Variants in ZPBP2 observed in about 807,000 individuals in gnomAD.
ZPBP2 encodes the protein zona pellucida binding protein 2.
Under a neutral mutation model 37.5 loss-of-function variants are expected in ZPBP2, and 34 were observed. That is an observed-to-expected ratio of 0.91 (90% CI 0.69 to 1.21). The LOEUF (loss-of-function observed/expected upper bound fraction) is 1.21. Among genes scored for constraint, ZPBP2 ranks in the 50% most tolerant of loss-of-function variants. The probability of loss-of-function intolerance (pLI) is 0.00; values close to 1 mark genes in which losing one functional copy is unlikely to be tolerated. For missense variants in ZPBP2, 397 were observed against 413.5 expected, an observed-to-expected ratio of 0.96 and a Z score of 0.35; for synonymous variants, 143 against 138.4, an observed-to-expected ratio of 1.03 and a Z score of -0.23.
In ZPBP2 at chr17:39,870,808, A is replaced by G. The variant is rs749139214; in HGVS notation, c.233A>G (p.Lys78Arg). ...PTYLWIGPNE[K>R]TLTGNNRINI... The stretch of plus-strand genomic sequence containing the variant: ...TACTTATGGATTGGGCCTAATGAAA[A>G]GACGTTAACAGGTAAATTTGATTTT... The change falls in exon 3 of 8, where the codon AAG becomes AGG. Residue 78 changes from lysine (K) to arginine (R), a missense_variant. Coordinates refer to ENST00000348931, the MANE Select transcript of ZPBP2 (RefSeq NM_199321.3). The G allele has an allele frequency of 6.6e-7, 1 of 1,511,684 alleles. No homozygotes were observed. The highest frequency in any genetic ancestry group is 1.4e-5 in the South Asian group (1 of 71,940). The allele number at this position is 1,511,684 out of a possible 1,614,324, so 93.6% of individuals were successfully genotyped here. A position where few individuals can be genotyped will look rare whatever the true frequency, so the allele number is the denominator to read the frequency against.
chr17:39,871,572 C>T lies in ZPBP2; in HGVS notation c.353C>T (p.Ala118Val), dbSNP rs373966063. The T allele has an allele frequency of 2.3e-5, 37 of 1,598,976 alleles. No individual in the cohort carries two copies. The South Asian group carries it at 3.9e-4, about 17-fold the overall frequency. ...ACTCTTTCTTATAAGACTGTTAAAG[C>T]AGAAACTCAAGAAGAAAAAACAGTC... ...TCTLSYKTVK[A>V]ETQEEKTVKK... The change falls in exon 4 of 8, where the codon GCA becomes GTA. Residue 118 changes from alanine to valine, a missense_variant. Transcript: ENST00000348931.
At chr17:39,873,458 T>C (rs560484858) in intron 6 of ZPBP2, among the ~76,000 whole-genome samples, 1 of 152,294 alleles carries the variant, frequency 6.6e-6, no homozygotes, top group South Asian at 2.1e-4. Context: ...ATTGATTTTT[T>C]AAGTATTATT....
Position 39,872,466 on chromosome 17 carries a change from T to C in ZPBP2, c.603T>C (p.His201=), listed in dbSNP as rs2063369885. Residue 201 remains histidine (H), a synonymous_variant, in exon 5 of 8, where the codon CAT becomes CAC. Coordinates refer to ENST00000348931, the MANE Select transcript of ZPBP2 (RefSeq NM_199321.3). The stretch of plus-strand genomic sequence containing the variant: ...AAATTCCAGAACATGGCCTCATACA[T>C]GAGCTATTTATAGCATTTCAAGGTA... ...SVEIPEHGLI[H]ELFIAFQVNP... 1.9e-6 allele frequency: 3 copies of C among 1,610,918 alleles called. No homozygotes were observed. Among genetic ancestry groups the C allele is most frequent in the Non-Finnish European group, 2.5e-6 (3 of 1,178,886 alleles).
rs997683237 is a variant in ZPBP2, at chr17:39,868,240, A to C, written c.-115A>C. 8 of 1,208,498 alleles carry C rather than the reference A, an allele frequency of 6.6e-6. No homozygotes were observed. Among genetic ancestry groups the C allele is most frequent in the Non-Finnish European group, 8.1e-6 (7 of 867,420 alleles). 74.9% of individuals were successfully genotyped at this position (1,208,498 alleles called of 1,614,324 possible). On this transcript the variant is annotated 5_prime_UTR_variant, in exon 1 of 8. Transcript: ENST00000348931. ...CGCCGTTGCGACGGACGGGTAGGGG[A>C]GGCGACCCCGGCGTTCTGCTCCGCA...
At chr17:39,872,148 T>A (rs1374900082) in intron 4 of ZPBP2, 122 bp from the exon 5 acceptor site, 7 of 697,586 alleles carry the variant, frequency 1.0e-5, no homozygotes, top group Non-Finnish European at 1.4e-5. Flanking sequence ...AAACGTTATG[T>A]TTCTATGCTG....
At chr17:39,872,947 G>A in intron 5 of ZPBP2, 97 bp from the exon 6 acceptor site, 1 of 994,902 alleles carries the variant, frequency 1.0e-6, no homozygotes, top group Non-Finnish European at 1.5e-6. Flanking sequence ...CTAAACATGT[G>A]CCTGCATGCA....
At position 39,868,227 on chromosome 17, in the gene ZPBP2, G is replaced by T. The variant is rs928818599; in HGVS notation, c.-128G>T. ...GCGCGTCCGCTCCCGCCGTTGCGAC[G>T]GACGGGTAGGGGAGGCGACCCCGGC... On this transcript the variant is annotated 5_prime_UTR_variant, in exon 1 of 8. Transcript: ENST00000348931. 1.9e-6 allele frequency: 2 copies of T among 1,031,828 alleles called. No homozygotes were observed. Among genetic ancestry groups the T allele is most frequent in the Admixed American group, 2.3e-5 (1 of 42,848 alleles). 63.9% of individuals were successfully genotyped at this position (1,031,828 alleles called of 1,614,324 possible). A position where few individuals can be genotyped will look rare whatever the true frequency, so the allele number is the denominator to read the frequency against.
chr17:39,875,569 A>C, intron 7 of ZPBP2, 135 bp downstream of exon 7: 1 of 740,662 alleles, frequency 1.4e-6, no homozygotes, highest in Non-Finnish European at 1.9e-6. Context: ...TTTAGCTAAA[A>C]GGAAGTAAAA....
intron 2 of ZPBP2, among the ~76,000 whole-genome samples, chr17:39,869,792 A>C (rs1470964182): frequency 7.3e-6 from 1 of 137,838 alleles, no homozygotes; most frequent in Non-Finnish European, 1.5e-5. Flanking sequence ...GGGTCGCTGC[A>C]ACCTCCGCCT....
chr17:39,872,909 G>T, intron 5 of ZPBP2, 135 bp from the exon 6 acceptor site: 5 of 714,662 alleles, frequency 7.0e-6, no homozygotes, highest in Non-Finnish European at 1.1e-5. Flanking sequence ...TGTGCACCTT[G>T]TTTTATTACT....
intron 2 of ZPBP2, among the ~76,000 whole-genome samples, chr17:39,869,629 T>C (rs2063352741): frequency 6.6e-6 from 1 of 151,556 alleles, no homozygotes; most frequent in African/African-American, 2.4e-5. Flanking sequence ...GGTCTCGAAC[T>C]TCTGACCTCA....
chr17:39,870,565 A>G (rs2063360184), intron 2 of ZPBP2, 129 bp from the exon 3 acceptor site: 1 of 505,588 alleles, frequency 2.0e-6, no homozygotes, highest in Non-Finnish European at 3.2e-6. Context: ...TAAATGTTAT[A>G]TATTGATTTT....
Position 39,868,390 on chromosome 17 carries a change from C to G in ZPBP2, c.36C>G (p.Leu12=), listed in dbSNP as rs772031609. 3.7e-6 allele frequency: 6 copies of G among 1,610,742 alleles called. No individual in the cohort carries two copies. The Admixed American group carries it at 1.0e-4, about 27-fold the overall frequency. ...MRTCVLLSAV[L]WCLTGVQCPR... ...CGTGCGTCCTACTCTCCGCGGTGCT[C>G]TGGTGCCTCACAGGAGGTGGGGCTC... Residue 12 remains leucine, a synonymous_variant, in exon 1 of 8, where the codon CTC becomes CTG. Coordinates refer to ENST00000348931, the MANE Select transcript of ZPBP2 (RefSeq NM_199321.3).
At chr17:39,868,480 C>T (rs916687790) in intron 1 of ZPBP2, 69 bp from the exon 2 acceptor site, 9 of 1,612,946 alleles carry the variant, frequency 5.6e-6, no homozygotes, top group African/African-American at 5.3e-5. Context: ...CTTCGCCTCG[C>T]CCTGCCCTGC....
Position 39,868,399 on chromosome 17 carries a change from C to T in ZPBP2, c.45C>T (p.Leu15=), listed in dbSNP as rs766075825. 1.4e-5 allele frequency: 22 copies of T among 1,610,776 alleles called. No homozygotes were observed. In the Admixed American group the frequency reaches 2.5e-4, roughly 18 times the overall value. The change falls in exon 1 of 8, where the codon CTC becomes CTT. Residue 15 remains leucine (L), a synonymous_variant. Coordinates refer to ENST00000348931, the MANE Select transcript of ZPBP2 (RefSeq NM_199321.3). ...CVLLSAVLWC[L]TGVQCPRFTL... is the part of the protein sequence containing the mutation. The stretch of plus-strand genomic sequence containing the variant: ...TACTCTCCGCGGTGCTCTGGTGCCT[C>T]ACAGGAGGTGGGGCTCCCTCCACCC...
At chr17:39,868,458 C>G in intron 1 of ZPBP2, 52 bp downstream of exon 1, 2 of 1,612,114 alleles carry the variant, frequency 1.2e-6, no homozygotes, top group Non-Finnish European at 1.7e-6. Context: ...CCGAGCTTCC[C>G]GGTCCTGCCT....
chr17:39,872,947 G>T (rs1305129347), intron 5 of ZPBP2, 97 bp from the exon 6 acceptor site: 6 of 994,902 alleles, frequency 6.0e-6, no homozygotes, highest in Middle Eastern at 2.2e-4. Flanking sequence ...CTAAACATGT[G>T]CCTGCATGCA....
chr17:39,872,181 G>C (rs2063367645), intron 4 of ZPBP2, 89 bp from the exon 5 acceptor site: 1 of 964,944 alleles, frequency 1.0e-6, no homozygotes, highest in East Asian at 2.5e-5. Context: ...ATGGGATTTA[G>C]TATTACATAG....
At position 39,874,820 on chromosome 17, in the gene ZPBP2, G is replaced by A. The variant is rs190560697; in HGVS notation, c.709-434G>A. Among the ~76,000 whole-genome samples the A allele has an allele frequency of 2.0e-3, 300 of 152,074 alleles. 1 individual carries two copies. Among genetic ancestry groups the A allele is most frequent in the African/African-American group, 5.9e-3 (244 of 41,482 alleles). On this transcript the variant is annotated intron_variant, in intron 6 of 7. Coordinates refer to ENST00000348931, the MANE Select transcript of ZPBP2 (RefSeq NM_199321.3). The stretch of plus-strand genomic sequence containing the variant: ...GGCTGGAGTGCAGTGGCACGATCTC[G>A]GCTCACTGCAACCTCCGCCTCCGAG...
Sources: gnomAD v4.1 joint callset for allele counts (sites outside exome capture counted in the v4.1 genomes callset) on GRCh38, gnomAD v4.1.1 for gene constraint, MANE v1.5 for transcripts, NCBI Gene and HGNC (gene_info 2026-07-23, HGNC 2026-07-21) for gene names.